Variants in KEL observed in about 807,000 individuals in gnomAD.
The protein encoded by KEL is Kell metallo-endopeptidase (Kell blood group).
A neutral mutation model predicts 99.5 loss-of-function variants in KEL; 96 were observed. The observed-to-expected ratio is 0.97, with a 90% CI of 0.82 to 1.14. The LOEUF (loss-of-function observed/expected upper bound fraction) is 1.14. Among genes scored for constraint, KEL ranks in the 50% most tolerant of loss-of-function variants. The pLI, the probability that KEL is intolerant of heterozygous loss-of-function variation, is 0.00. For missense variants in KEL, 926 were observed against 924.2 expected, an observed-to-expected ratio of 1.00 and a Z score of -0.03; for synonymous variants, 355 against 354.8, an observed-to-expected ratio of 1.00 and a Z score of -0.01.
intron 8 of KEL, 21 bp from the exon 9 acceptor site, chr7:142,953,977 C>A (rs954915107): frequency 1.2e-6 from 2 of 1,611,902 alleles, no homozygotes; most frequent in African/African-American, 2.7e-5. Flanking sequence ...GGACACAAAG[C>A]TGAGGGGGAA....
In KEL at chr7:142,962,252, G is replaced by A. The variant is rs1796978688; in HGVS notation, c.-46C>T. 6.2e-7 allele frequency: 1 copy of A among 1,613,510 alleles called. No individual in the cohort carries two copies. The stretch of plus-strand genomic sequence containing the variant: ...CAGAATCCTTCCTGGTTCCACTCTA[G>A]GAGCTGATTCGGAGGACTGGGGTCC... On this transcript the variant is annotated 5_prime_UTR_variant, in exon 1 of 19. Coordinates refer to ENST00000355265, the MANE Select transcript of KEL (RefSeq NM_000420.3).
Position 142,954,304 on chromosome 7 carries a change from C to T in KEL, c.804G>A (p.Val268=). The T allele has an allele frequency of 1.2e-6, 2 of 1,614,066 alleles. No homozygotes were observed. Among genetic ancestry groups the T allele is most frequent in the Non-Finnish European group, 1.7e-6 (2 of 1,179,966 alleles). The part of the protein sequence containing the change: ...GTLLGGDPSK[V]QEHSSLSISI... ...AGATTGACAAGGAAGAGTGTTCTTG[C>T]ACCTTGCTTGGGTCTCCTCCCAGCA... The change falls in exon 8 of 19, where the codon GTG becomes GTA. Residue 268 remains valine, a synonymous_variant. Transcript: ENST00000355265.
chr7:142,953,673 G>C, intron 9 of KEL, 135 bp downstream of exon 9: 1 of 1,031,740 alleles, frequency 9.7e-7, no homozygotes, highest in Admixed American at 1.7e-5. Flanking sequence ...TGCCCGCACA[G>C]GTGGCAGGTT....
chr7:142,958,982 C>T (rs1010280527), intron 4 of KEL, among the ~76,000 whole-genome samples: 5 of 152,096 alleles, frequency 3.3e-5, no homozygotes, highest in African/African-American at 1.2e-4. Context: ...TGAGTTGTTC[C>T]ACCTTTCTGG....
In KEL at chr7:142,943,614, G is replaced by A. The variant is rs368761400; in HGVS notation, c.1593-18C>T. ...CCTTCCACCTGTGGGAAGAGGACAT[G>A]TGAACTCCAGCCCCCACCACGTATT... is the stretch of plus-strand genomic sequence containing the variant. On this transcript the variant is annotated intron_variant, in intron 14 of 18. Transcript: ENST00000355265. 1.2e-4 allele frequency: 188 copies of A among 1,581,748 alleles called. No homozygotes were observed. Among genetic ancestry groups the A allele is most frequent in the Non-Finnish European group, 1.6e-4 (179 of 1,151,102 alleles).
intron 13 of KEL, 107 bp from the exon 14 acceptor site, chr7:142,943,990 C>A: frequency 1.1e-6 from 1 of 877,906 alleles, no homozygotes; most frequent in Non-Finnish European, 1.9e-6. Flanking sequence ...CCCTGACAGG[C>A]AGGCATCCAG....
chr7:142,954,461 T>C lies in KEL; in HGVS notation c.735+4A>G. The C allele has an allele frequency of 6.2e-7, 1 of 1,613,792 alleles. No individual in the cohort carries two copies. The highest frequency in any genetic ancestry group is 8.5e-7 in the Non-Finnish European group (1 of 1,179,658). The stretch of plus-strand genomic sequence containing the variant: ...GCAGGGCCTTTGTCCATGTGCCATC[T>C]TACCTGGGCATAGATCTTCTGTTCT... On this transcript the variant is annotated splice_donor_region_variant and intron_variant, in intron 7 of 18. Coordinates refer to ENST00000355265, the MANE Select transcript of KEL (RefSeq NM_000420.3).
intron 4 of KEL, among the ~76,000 whole-genome samples, chr7:142,960,216 T>C (rs1482287378): frequency 6.6e-6 from 1 of 152,224 alleles, no homozygotes; most frequent in Non-Finnish European, 1.5e-5. Context: ...TGCACAGTGA[T>C]GAAGCCCTCT....
At chr7:142,944,056 C>T (rs1341351619) in intron 13 of KEL, among the ~76,000 whole-genome samples, 173 bp from the exon 14 acceptor site, 1 of 152,196 alleles carries the variant, frequency 6.6e-6, no homozygotes, top group Admixed American at 6.5e-5. Flanking sequence ...AGGCTTTACA[C>T]ATATCAGCAC....
In KEL at chr7:142,942,991, G is replaced by T; in HGVS notation, c.1825C>A (p.Leu609Met). 6.2e-7 allele frequency: 1 copy of T among 1,614,216 alleles called. No individual in the cohort carries two copies. Among genetic ancestry groups the T allele is most frequent in the Non-Finnish European group, 8.5e-7 (1 of 1,180,044 alleles). ...CDNHALQEAH[L>M]CLKRHYAAFP... The stretch of plus-strand genomic sequence containing the variant: ...GCAGCATAATGGCGCTTCAGGCACA[G>T]GTGAGCTTCCTGGAGGGCATGGTTG... The change falls in exon 17 of 19, where the codon CTG becomes ATG. Residue 609 changes from leucine to methionine, a missense_variant. Transcript: ENST00000355265.
chr7:142,953,492 T>C (rs1796742388), intron 9 of KEL: 1 of 686,208 alleles, frequency 1.5e-6, no homozygotes, highest in South Asian at 6.3e-5. Context: ...TCTTCCAGCA[T>C]CTTCTACAGC....
At chr7:142,944,873 G>C (rs1796480596) in intron 11 of KEL, 132 bp from the exon 12 acceptor site, 4 of 733,140 alleles carry the variant, frequency 5.5e-6, no homozygotes, top group Non-Finnish European at 9.8e-6. Flanking sequence ...GCTGCTAGAG[G>C]AGCAGCTCAA....
intron 10 of KEL, among the ~76,000 whole-genome samples, chr7:142,951,813 A>T (rs1410179561): frequency 6.6e-6 from 1 of 152,132 alleles, no homozygotes; most frequent in Non-Finnish European, 1.5e-5. Flanking sequence ...AAGAAAAAAA[A>T]TCCAGTGATT....
At chr7:142,953,073 T>G (rs1796729698) in intron 9 of KEL, among the ~76,000 whole-genome samples, 1 of 152,176 alleles carries the variant, frequency 6.6e-6, no homozygotes, top group South Asian at 2.1e-4. Flanking sequence ...CTCACTGCCA[T>G]GTGAATGGGC....
intron 5 of KEL, 143 bp downstream of exon 5, chr7:142,958,161 C>A: frequency 7.4e-7 from 1 of 1,344,754 alleles, no homozygotes; most frequent in Non-Finnish European, 1.1e-6. Context: ...AGGGCATAAC[C>A]ATTTCCATCT....
At chr7:142,945,936 T>A in intron 11 of KEL, 1 of 535,588 alleles carries the variant, frequency 1.9e-6, no homozygotes, top group Non-Finnish European at 3.4e-6. Context: ...CTCGATTTTC[T>A]CATTTGATGG....
chr7:142,942,660 A>G, intron 17 of KEL, 131 bp from the exon 18 acceptor site: 2 of 868,870 alleles, frequency 2.3e-6, no homozygotes, highest in South Asian at 2.9e-5. Flanking sequence ...TCTGAGCCAG[A>G]AGAAAGAGTA....
At chr7:142,947,155 A>G (rs941854171) in intron 10 of KEL, among the ~76,000 whole-genome samples, 3 of 152,138 alleles carry the variant, frequency 2.0e-5, no homozygotes, top group South Asian at 2.1e-4. Flanking sequence ...GGAGACACAC[A>G]CTCAAGGAAC....
chr7:142,954,602 A>G (rs1295900489), intron 6 of KEL, 75 bp from the exon 7 acceptor site: 1 of 1,280,820 alleles, frequency 7.8e-7, no homozygotes, highest in African/African-American at 1.5e-5. Flanking sequence ...GGTGGGGAAT[A>G]TACCATGGGA....
Sources: allele counts gnomAD v4.1 joint callset (sites outside exome capture counted in the v4.1 genomes callset), GRCh38; gene constraint gnomAD v4.1.1; transcripts MANE v1.5; gene names NCBI Gene and HGNC (gene_info 2026-07-23, HGNC 2026-07-21).